BCAS1: variants seen among roughly 807,000 people sequenced by gnomAD.
BCAS1 encodes brain enriched myelin associated protein 1, also known as breast carcinoma-amplified sequence 1.
BCAS1 carries 46 observed loss-of-function variants against 65.4 expected under a neutral mutation model. That is an observed-to-expected ratio of 0.70 (90% confidence interval 0.55 to 0.90). BCAS1 has a LOEUF of 0.90. Among genes scored for constraint, BCAS1 ranks in the 40% least tolerant of loss-of-function variants. The pLI is 0.00. For missense variants in BCAS1, 793 were observed against 771.2 expected (o/e 1.03, Z -0.33); for synonymous variants, 298 against 293.5 (o/e 1.02, Z -0.16).
chr20:53,958,853 C>T (rs960814435), intron 10 of BCAS1, among the ~76,000 whole-genome samples: 2 of 152,178 alleles, frequency 1.3e-5, no homozygotes, highest in Non-Finnish European at 2.9e-5. Context: ...CAGTGTTGGA[C>T]AGCAGGCAAT....
chr20:54,033,465 A>T (rs2146141134), intron 3 of BCAS1, among the ~76,000 whole-genome samples: 1 of 151,264 alleles, frequency 6.6e-6, no homozygotes, highest in African/African-American at 2.4e-5. Flanking sequence ...GACAAGGGGG[A>T]TATTACCACT....
intron 4 of BCAS1, among the ~76,000 whole-genome samples, chr20:54,004,669 A>G (rs1355317959): frequency 6.6e-6 from 1 of 152,190 alleles, no homozygotes; most frequent in East Asian, 1.9e-4. Flanking sequence ...GGGTAGTTAC[A>G]TTACATACAA....
intron 4 of BCAS1, among the ~76,000 whole-genome samples, chr20:54,004,246 G>C (rs1163948159): frequency 6.6e-6 from 1 of 152,184 alleles, no homozygotes; most frequent in African/African-American, 2.4e-5. Context: ...AGGGTGCAAT[G>C]AGAAGCTGGC....
At position 53,945,008 on chromosome 20, in the gene BCAS1, C is replaced by G; in HGVS notation, c.1816-12G>C. 6.2e-7 allele frequency: 1 copy of G among 1,613,548 alleles called. No individual in the cohort carries two copies. The highest frequency in any genetic ancestry group is 8.5e-7 in the Non-Finnish European group (1 of 1,179,520). ...ATCCGCTTTGGTCCCTGGAGAAAAA[C>G]AGAAAGACGTGGCAGCCTATTGAAG... On this transcript the variant is annotated splice_polypyrimidine_tract_variant and intron_variant, in intron 12 of 12. Coordinates refer to ENST00000688948, the MANE Select transcript of BCAS1 (RefSeq NM_001366298.2).
At chr20:53,996,138 C>A in intron 4 of BCAS1, 88 bp from the exon 5 acceptor site, 1 of 1,371,068 alleles carries the variant, frequency 7.3e-7, no homozygotes, top group Non-Finnish European at 9.8e-7. Flanking sequence ...TTCTCTCTTA[C>A]CCCCTAATTC....
intron 9 of BCAS1, among the ~76,000 whole-genome samples, chr20:53,974,522 C>T (rs1262920878): frequency 6.6e-6 from 1 of 152,182 alleles, no homozygotes; most frequent in African/African-American, 2.4e-5. Context: ...AACATCTGTT[C>T]AGTTCCCATA....
chr20:54,056,451 A>G (rs1226318759), intron 3 of BCAS1, among the ~76,000 whole-genome samples: 1 of 152,128 alleles, frequency 6.6e-6, no homozygotes, highest in African/African-American at 2.4e-5. Context: ...GGAGACTCCA[A>G]AGAAGGGAGG....
At position 54,025,168 on chromosome 20, in the gene BCAS1, A is replaced by G. The variant is rs376210796; in HGVS notation, c.723+3224T>C. Among the ~76,000 whole-genome samples, 285 of 152,272 alleles carry G rather than the reference A, an allele frequency of 1.9e-3. 3 individuals carry two copies. Among genetic ancestry groups the G allele is most frequent in the Non-Finnish European group, 3.3e-3 (227 of 68,008 alleles). On this transcript the variant is annotated intron_variant, in intron 4 of 12. Coordinates refer to ENST00000688948, the MANE Select transcript of BCAS1 (RefSeq NM_001366298.2). ...AACACTTTATGCGCCCCACACCCCC[A>G]CTCAACACAAACACAACTCTGGAAG... is the stretch of plus-strand genomic sequence containing the variant.
Position 53,944,841 on chromosome 20 carries a change from G to A in BCAS1, c.*81C>T, listed in dbSNP as rs2089255287. 4 of 1,268,674 alleles carry A rather than the reference G, an allele frequency of 3.2e-6. No individual in the cohort carries two copies. Among genetic ancestry groups the A allele is most frequent in the African/African-American group, 1.5e-5 (1 of 68,040 alleles). The allele number at this position is 1,268,674 out of a possible 1,614,324, so 78.6% of individuals were successfully genotyped here. ...CTGGCCATCAGAAGAATATATACAT[G>A]GAGCGTGTTTGGGGAGGAGATGGAG... is the stretch of plus-strand genomic sequence containing the variant. On this transcript the variant is annotated 3_prime_UTR_variant, in exon 13 of 13. Transcript: ENST00000688948.
intron 10 of BCAS1, among the ~76,000 whole-genome samples, chr20:53,962,360 C>A (rs2145589811): frequency 6.6e-6 from 1 of 152,192 alleles, no homozygotes; most frequent in African/African-American, 2.4e-5. Flanking sequence ...TTTCTCTAAG[C>A]CTGAGAACAT....
intron 10 of BCAS1, among the ~76,000 whole-genome samples, chr20:53,958,440 G>C (rs2089771696): frequency 6.6e-6 from 1 of 152,178 alleles, no homozygotes; most frequent in South Asian, 2.1e-4. Context: ...AGAGAGCAGG[G>C]TTTCAGCCAT....
At chr20:54,045,371 A>G (rs1404195480) in intron 3 of BCAS1, among the ~76,000 whole-genome samples, 4 of 152,214 alleles carry the variant, frequency 2.6e-5, no homozygotes, top group African/African-American at 7.2e-5. Context: ...AAAAAAATGA[A>G]TTAAAGTTAT....
intron 4 of BCAS1, among the ~76,000 whole-genome samples, chr20:54,008,797 A>G (rs867027958): frequency 2.0e-5 from 3 of 152,056 alleles, no homozygotes; most frequent in Non-Finnish European, 1.5e-5. Context: ...TGCTAGAATT[A>G]TCTAACAAAG....
At chr20:53,986,177 T>C (rs73140344) in intron 7 of BCAS1, among the ~76,000 whole-genome samples, 1,821 of 152,322 alleles carry the variant, frequency 0.012, 12 homozygotes, top group Middle Eastern at 0.044. Context: ...ATTTCCTCTC[T>C]TCCTCTCTCT....
chr20:54,014,687 A>T (rs1027023619), intron 4 of BCAS1, among the ~76,000 whole-genome samples: 7 of 152,196 alleles, frequency 4.6e-5, no homozygotes, highest in African/African-American at 1.7e-4. Context: ...ACAGAAACTC[A>T]TGACTCCACT....
rs1390771613 is a variant in BCAS1, at chr20:54,036,833, C to T, written c.143-7861G>A. ...AGTTTAATTTACAAACTTGAGTTTT[C>T]TAGAAAGACTTTTAAAAACAGTAGT... On this transcript the variant is annotated intron_variant, in intron 3 of 12. Transcript: ENST00000688948. Among the ~76,000 whole-genome samples the T allele has an allele frequency of 1.3e-5, 2 of 151,242 alleles. 1 individual carries two copies. The highest frequency in any genetic ancestry group is 3.0e-5 in the Non-Finnish European group (2 of 67,632).
At chr20:53,995,401 G>GT (rs1482303579) in intron 5 of BCAS1, among the ~76,000 whole-genome samples, 9 of 151,670 alleles carry the variant, frequency 5.9e-5, no homozygotes, top group African/African-American at 1.9e-4. Flanking sequence ...GACATTTATT[G>GT]TTTTTTCTTT....
intron 3 of BCAS1, among the ~76,000 whole-genome samples, chr20:54,033,319 T>C (rs773704910): frequency 2.0e-5 from 3 of 149,262 alleles, no homozygotes; most frequent in South Asian, 4.2e-4. Flanking sequence ...CTGAAGGAGA[T>C]TGAGACATGA....
At chr20:53,988,045 G>A (rs1294902745) in intron 7 of BCAS1, among the ~76,000 whole-genome samples, 1 of 152,172 alleles carries the variant, frequency 6.6e-6, no homozygotes, top group African/African-American at 2.4e-5. Context: ...CTCTAAGAAA[G>A]GGCTCTGGTT....
Sources: allele counts gnomAD v4.1 joint callset (sites outside exome capture counted in the v4.1 genomes callset), GRCh38; gene constraint gnomAD v4.1.1; transcripts MANE v1.5; gene names NCBI Gene and HGNC (gene_info 2026-07-23, HGNC 2026-07-21).